The following SEMA6A variants were observed in gnomAD, a reference collection of about 807,000 sequenced individuals.
SEMA6A encodes the protein semaphorin-6A.
Under a neutral mutation model 96.8 loss-of-function variants are expected in SEMA6A, and 25 were observed. That is an observed-to-expected ratio of 0.26 (90% CI 0.19 to 0.36). The LOEUF (loss-of-function observed/expected upper bound fraction) is 0.36. Ranked by LOEUF, SEMA6A falls within the 10% of genes least tolerant of loss-of-function variation. The pLI is 1.00. For synonymous variants in SEMA6A, 612 were observed against 518.0 expected (o/e 1.18, Z -2.46); for missense variants, 1,363 against 1,323.1 (o/e 1.03, Z -0.47).
At chr5:116,480,329 G>A in intron 11 of SEMA6A, 52 bp from the exon 12 acceptor site, 1 of 1,601,720 alleles carries the variant, frequency 6.2e-7, no homozygotes, top group Non-Finnish European at 8.5e-7. Flanking sequence ...CTGCCTTATG[G>A]CAAATTCTTT....
At chr5:116,501,795 G>C (rs1359375716) in intron 3 of SEMA6A, among the ~76,000 whole-genome samples, 1 of 152,164 alleles carries the variant, frequency 6.6e-6, no homozygotes, top group Admixed American at 6.5e-5. Flanking sequence ...GCTGAGGCAA[G>C]AGAATTGCTT....
At chr5:116,530,827 C>T (rs572728479) in intron 1 of SEMA6A, among the ~76,000 whole-genome samples, 73 of 152,300 alleles carry the variant, frequency 4.8e-4, no homozygotes, top group African/African-American at 1.7e-3. Flanking sequence ...CAAAAAAGCT[C>T]TCTCTGCCCA....
At chr5:116,449,293 A>G (rs1419939814) in intron 18 of SEMA6A, 5 of 702,242 alleles carry the variant, frequency 7.1e-6, no homozygotes, top group Middle Eastern at 2.3e-4. Context: ...TATTATGGAA[A>G]TGATAGCAAG....
intron 3 of SEMA6A, chr5:116,498,515 G>C (rs1028461819): frequency 6.6e-6 from 1 of 151,720 alleles, no homozygotes; most frequent in Non-Finnish European, 1.5e-5. Context: ...TAAAACGAGC[G>C]GGAAGGGCAG....
intron 13 of SEMA6A, 61 bp from the exon 14 acceptor site, chr5:116,478,215 C>T (rs1756563057): frequency 3.8e-6 from 6 of 1,562,698 alleles, no homozygotes; most frequent in Non-Finnish European, 5.2e-6. Flanking sequence ...CGGCCCCACC[C>T]TCACATCCCA....
intron 1 of SEMA6A, among the ~76,000 whole-genome samples, chr5:116,531,591 A>C (rs950901370): frequency 6.6e-6 from 1 of 152,176 alleles, no homozygotes; most frequent in African/African-American, 2.4e-5. Flanking sequence ...GTTTCTCTTC[A>C]AAGAATACTT....
chr5:116,503,722 G>T (rs1399262221), intron 2 of SEMA6A, among the ~76,000 whole-genome samples: 1 of 151,812 alleles, frequency 6.6e-6, no homozygotes, highest in Non-Finnish European at 1.5e-5. Flanking sequence ...TCACCATGTT[G>T]GCCAGGATGG....
At chr5:116,491,960 C>G (rs747912144) in intron 6 of SEMA6A, 130 bp from the exon 7 acceptor site, 13 of 691,376 alleles carry the variant, frequency 1.9e-5, no homozygotes, top group Non-Finnish European at 3.3e-5. Context: ...CCTGTTGAAG[C>G]CACTTTTAAA....
At chr5:116,537,154 T>A (rs930774421) in intron 1 of SEMA6A, among the ~76,000 whole-genome samples, 7 of 152,134 alleles carry the variant, frequency 4.6e-5, no homozygotes, top group African/African-American at 1.7e-4. Context: ...CATGCACACA[T>A]AGAGACCCAC....
intron 18 of SEMA6A, 46 bp from the exon 19 acceptor site, chr5:116,447,857 C>G: frequency 6.8e-7 from 1 of 1,461,432 alleles, no homozygotes; most frequent in Non-Finnish European, 9.2e-7. Flanking sequence ...AAGCACACCC[C>G]GAGGCTTGTT....
At chr5:116,451,851 A>G (rs545736032) in intron 18 of SEMA6A, among the ~76,000 whole-genome samples, 3 of 152,360 alleles carry the variant, frequency 2.0e-5, no homozygotes, top group East Asian at 3.9e-4. Context: ...GCTCAAAACA[A>G]TAAGAAGAGA....
At chr5:116,518,744 AG>A (rs1758785179) in intron 1 of SEMA6A, among the ~76,000 whole-genome samples, 1 of 152,230 alleles carries the variant, frequency 6.6e-6, no homozygotes, top group African/African-American at 2.4e-5. Flanking sequence ...GAAGCTACTT[AG>A]CCCTGGTTAC....
intron 18 of SEMA6A, among the ~76,000 whole-genome samples, chr5:116,448,627 T>A (rs1040057419): frequency 2.0e-5 from 3 of 152,004 alleles, no homozygotes; most frequent in Non-Finnish European, 4.4e-5. Flanking sequence ...GGAGCCTCCG[T>A]CTGGGGAAAA....
At chr5:116,507,304 G>C (rs915607509) in intron 1 of SEMA6A, among the ~76,000 whole-genome samples, 1 of 152,172 alleles carries the variant, frequency 6.6e-6, no homozygotes, top group African/African-American at 2.4e-5. Flanking sequence ...TTGAAGTTTT[G>C]ATGTATTATT....
In SEMA6A at chr5:116,443,733, A is replaced by G. The variant is rs1255140420; in HGVS notation, c.*2880T>C. 6.6e-6 allele frequency: 1 copy of G among 152,614 alleles called. No individual in the cohort carries two copies. Among genetic ancestry groups the G allele is most frequent in the Non-Finnish European group, 1.5e-5 (1 of 68,048 alleles). 9.5% of individuals were successfully genotyped at this position (152,614 alleles called of 1,614,324 possible). A position where few individuals can be genotyped will look rare whatever the true frequency, so the allele number is the denominator to read the frequency against. ...TTGGTGACATCACAATATTTTTACAACTTTACAACAAATATAAATCTGAGT... is the reference window on the plus strand; with the variant it reads ...TTGGTGACATCACAATATTTTTACAGCTTTACAACAAATATAAATCTGAGT... On this transcript the variant is annotated 3_prime_UTR_variant, in exon 19 of 19. Transcript: ENST00000343348.
At chr5:116,550,653 T>C (rs1278703204) in intron 1 of SEMA6A, 1 of 152,022 alleles carries the variant, frequency 6.6e-6, no homozygotes, top group East Asian at 1.9e-4. Context: ...TTCTCTGCAG[T>C]AATAACAGTA....
chr5:116,502,416 A>G, intron 2 of SEMA6A, 89 bp from the exon 3 acceptor site: 1 of 1,108,660 alleles, frequency 9.0e-7, no homozygotes, highest in Non-Finnish European at 1.4e-6. Context: ...AGGTCACAAA[A>G]GAAACCCGTG....
intron 1 of SEMA6A, among the ~76,000 whole-genome samples, chr5:116,562,377 G>C (rs761103985): frequency 1.3e-5 from 2 of 152,120 alleles, no homozygotes; most frequent in Non-Finnish European, 2.9e-5. Context: ...TCATAAATTG[G>C]CATTAATATA....
intron 1 of SEMA6A, among the ~76,000 whole-genome samples, chr5:116,525,623 T>C (rs1759187442): frequency 6.6e-6 from 1 of 152,188 alleles, no homozygotes; most frequent in Admixed American, 6.5e-5. Context: ...TGCCTATATT[T>C]CTTAGAAGAT....
Sources: allele counts gnomAD v4.1 joint callset (sites outside exome capture counted in the v4.1 genomes callset), GRCh38; gene constraint gnomAD v4.1.1; transcripts MANE v1.5; gene names NCBI Gene and HGNC (gene_info 2026-07-23, HGNC 2026-07-21).